Variants in PDPK1 observed in about 807,000 individuals in gnomAD.
PDPK1 encodes 3-phosphoinositide dependent protein kinase 1, also known as 3-phosphoinositide-dependent protein kinase 1.
PDPK1 carries 7 observed loss-of-function variants against 39.8 expected under a neutral mutation model. The observed-to-expected ratio is 0.18, with a 90% CI of 0.10 to 0.33. The LOEUF (loss-of-function observed/expected upper bound fraction) is 0.33. Ranked by LOEUF, PDPK1 falls within the 10% of genes least tolerant of loss-of-function variation. PDPK1 has a pLI of 1.00. For missense variants in PDPK1, 182 were observed against 384.7 expected (o/e 0.47, Z 4.41); for synonymous variants, 118 against 159.1 (o/e 0.74, Z 1.95).
intron 2 of PDPK1, among the ~76,000 whole-genome samples, chr16:2,559,870 C>T (rs2066572033): frequency 6.6e-6 from 1 of 151,544 alleles, no homozygotes; most frequent in African/African-American, 2.4e-5. Flanking sequence ...GGGAGGTGCC[C>T]GGGAGAGCAC....
At chr16:2,552,582 G>T (rs1269284687) in intron 1 of PDPK1, among the ~76,000 whole-genome samples, 2 of 135,342 alleles carry the variant, frequency 1.5e-5, no homozygotes, top group African/African-American at 5.8e-5. Flanking sequence ...GCAGTGACTC[G>T]TCATTGAGTG....
intron 1 of PDPK1, among the ~76,000 whole-genome samples, chr16:2,546,499 A>T (rs2066350415): frequency 6.6e-6 from 1 of 151,972 alleles, no homozygotes; most frequent in Admixed American, 6.6e-5. Context: ...ATGCTGGGCT[A>T]ATTTGTGTAT....
intron 7 of PDPK1, chr16:2,579,297 G>T (rs551930905): frequency 2.0e-5 from 2 of 102,048 alleles, no homozygotes; most frequent in African/African-American, 4.1e-5. Context: ...TGGGCGGGGG[G>T]GGGGCGCGAC....
chr16:2,545,009 C>G (rs1367985924), intron 1 of PDPK1, among the ~76,000 whole-genome samples: 1 of 151,326 alleles, frequency 6.6e-6, no homozygotes, highest in Non-Finnish European at 1.5e-5. Flanking sequence ...ACCTCTTCAT[C>G]ATCACATCCG....
At chr16:2,592,766 G>A (rs1043742366) in intron 11 of PDPK1, 50 of 454,974 alleles carry the variant, frequency 1.1e-4, no homozygotes, top group African/African-American at 1.4e-4. Flanking sequence ...CTGCACACAC[G>A]CTGTGCTCTA....
chr16:2,589,803 A>G (rs933031675), intron 11 of PDPK1, among the ~76,000 whole-genome samples: 22 of 152,318 alleles, frequency 1.4e-4, no homozygotes, highest in African/African-American at 3.6e-4. Context: ...TTAAAATCCA[A>G]TGTTGTTTGT....
intron 1 of PDPK1, among the ~76,000 whole-genome samples, chr16:2,546,227 G>C (rs2066343061): frequency 6.6e-6 from 1 of 151,386 alleles, no homozygotes; most frequent in Admixed American, 6.6e-5. Flanking sequence ...GTGATTACAA[G>C]TGCCTACCAC....
In PDPK1 at chr16:2,586,855, G is replaced by C. The variant is rs1364009602; in HGVS notation, c.1305G>C (p.Lys435Asn). 2 of 1,614,162 alleles carry C rather than the reference G, an allele frequency of 1.2e-6. No homozygotes were observed. The highest frequency in any genetic ancestry group is 2.7e-5 in the African/African-American group (2 of 74,962). ...ACTTACAGTTTTCCGAAGATGAGAA[G>C]AGGTTGTTGTTGGAGAAGCAGGCTG... ...ELDLQFSEDE[K>N]RLLLEKQAGG... is the part of the protein sequence containing the mutation. The change falls in exon 11 of 14, where the codon AAG (lysine) becomes AAC (asparagine). Residue 435 changes from lysine to asparagine, a missense_variant. Coordinates refer to ENST00000342085, the MANE Select transcript of PDPK1 (RefSeq NM_002613.5).
intron 1 of PDPK1, among the ~76,000 whole-genome samples, chr16:2,546,518 G>C (rs531305166): frequency 2.6e-5 from 4 of 152,328 alleles, no homozygotes; most frequent in African/African-American, 7.2e-5. Context: ...ATTTTTAGTA[G>C]AGATGGGGTT....
At chr16:2,546,023 G>C (rs1367481860) in intron 1 of PDPK1, among the ~76,000 whole-genome samples, 1 of 152,104 alleles carries the variant, frequency 6.6e-6, no homozygotes, top group Admixed American at 6.5e-5. Flanking sequence ...TTGTTTCCTT[G>C]TTAGATTAGG....
chr16:2,589,871 A>G (rs2066953003), intron 11 of PDPK1, among the ~76,000 whole-genome samples: 1 of 152,224 alleles, frequency 6.6e-6, no homozygotes, highest in African/African-American at 2.4e-5. Flanking sequence ...GCTGCATTGT[A>G]GAGGCTGGAG....
chr16:2,584,935 C>T lies in PDPK1; in HGVS notation c.1125+1350C>T, dbSNP rs538146233. On this transcript the variant is annotated intron_variant, in intron 10 of 13. Coordinates refer to ENST00000342085, the MANE Select transcript of PDPK1 (RefSeq NM_002613.5). The stretch of plus-strand genomic sequence containing the variant: ...GCTGCTCCTGCGTGGTGTTTGGTTA[C>T]GGCTGGCAGGTGCCACGGGGCTGCA... Among the ~76,000 whole-genome samples the T allele has an allele frequency of 4.6e-5, 7 of 152,354 alleles. No homozygotes were observed. In the East Asian group the frequency reaches 5.8e-4, roughly 13 times the overall value.
intron 2 of PDPK1, 53 bp downstream of exon 2, chr16:2,558,016 C>T (rs1216430723): frequency 6.3e-7 from 1 of 1,597,302 alleles, no homozygotes; most frequent in Non-Finnish European, 8.6e-7. Flanking sequence ...CTTGGGGAGG[C>T]TCACCTTCCT....
intron 11 of PDPK1, chr16:2,592,410 CCAGGGAGGAAAGGGCTCT>C: frequency 1.5e-5 from 4 of 272,110 alleles, no homozygotes; most frequent in South Asian, 1.4e-4. Context: ...GCCCAGCCTC[CCAGGGAGGAAAGGGCTCT>C]CAGGGCAGGG....
At chr16:2,591,935 TAA>T (rs945589087) in intron 11 of PDPK1, among the ~76,000 whole-genome samples, 2 of 152,184 alleles carry the variant, frequency 1.3e-5, no homozygotes, top group African/African-American at 4.8e-5. Flanking sequence ...TCCACAGAGG[TAA>T]AGAGTGTGAG....
chr16:2,586,074 C>T (rs183362336), intron 10 of PDPK1, among the ~76,000 whole-genome samples: 11 of 152,302 alleles, frequency 7.2e-5, no homozygotes, highest in South Asian at 4.1e-4. Flanking sequence ...AGTGAGTTTC[C>T]GTTGTCGACA....
At chr16:2,545,201 C>G (rs2066319022) in intron 1 of PDPK1, among the ~76,000 whole-genome samples, 1 of 152,002 alleles carries the variant, frequency 6.6e-6, no homozygotes, top group South Asian at 2.1e-4. Context: ...CCAGTCGTGG[C>G]TAATTTTTGC....
Position 2,586,774 on chromosome 16 carries a change from A to G in PDPK1, c.1224A>G (p.Ser408=), listed in dbSNP as rs1178162435. 6.2e-7 allele frequency: 1 copy of G among 1,614,262 alleles called. No homozygotes were observed. Among genetic ancestry groups the G allele is most frequent in the African/African-American group, 1.3e-5 (1 of 75,078 alleles). The change falls in exon 11 of 14, where the codon TCA becomes TCG. Residue 408 remains serine (S), a synonymous_variant. Transcript: ENST00000342085. The part of the protein sequence containing the change: ...SASDTGLPQR[S]GSNIEQYIHD... ...CCGACACGGGCCTGCCCCAGAGGTC[A>G]GGCAGCAACATAGAGCAGTACATTC... is the stretch of plus-strand genomic sequence containing the variant.
At position 2,602,246 on chromosome 16, in the gene PDPK1, A is replaced by C. The variant is rs1032802797; in HGVS notation, c.*4479A>C. The C allele has an allele frequency of 6.3e-4, 147 of 234,668 alleles. No homozygotes were observed. Among genetic ancestry groups the C allele is most frequent in the African/African-American group, 3.2e-3 (144 of 45,326 alleles). 14.5% of individuals were successfully genotyped at this position (234,668 alleles called of 1,614,324 possible). On this transcript the variant is annotated 3_prime_UTR_variant, in exon 14 of 14. Coordinates refer to ENST00000342085, the MANE Select transcript of PDPK1 (RefSeq NM_002613.5). ...ACGCAGCACACGTGGCAAGTGCCTG[A>C]ATCGGGGCTGGAGGCACTTCAGAGC...
Sources: gnomAD v4.1 joint callset for allele counts (sites outside exome capture counted in the v4.1 genomes callset) on GRCh38, gnomAD v4.1.1 for gene constraint, MANE v1.5 for transcripts, NCBI Gene and HGNC (gene_info 2026-07-23, HGNC 2026-07-21) for gene names.